The following LEMD1 variants were observed in gnomAD, a reference collection of about 807,000 sequenced individuals.
LEMD1 encodes LEM domain containing 1, also known as LEM domain-containing protein 1.
A neutral mutation model predicts 17.4 loss-of-function variants in LEMD1; 18 were observed. The observed-to-expected ratio is 1.04, with a 90% CI of 0.72 to 1.54. The LOEUF (loss-of-function observed/expected upper bound fraction) is 1.54. Ranked by LOEUF, LEMD1 falls within the 40% of genes most tolerant of loss-of-function variation. The probability of loss-of-function intolerance (pLI) is 0.00; values close to 1 mark genes in which losing one functional copy is unlikely to be tolerated. For missense variants in LEMD1, 195 were observed against 210.4 expected, an observed-to-expected ratio of 0.93 and a Z score of 0.45; for synonymous variants, 88 against 77.8, an observed-to-expected ratio of 1.13 and a Z score of -0.69.
At chr1:205,408,811 T>A (rs1409317518) in intron 4 of LEMD1, among the ~76,000 whole-genome samples, 1 of 151,890 alleles carries the variant, frequency 6.6e-6, no homozygotes, top group African/African-American at 2.4e-5. Flanking sequence ...AATTTAAGTA[T>A]AAGATTAAGA....
At chr1:205,404,131 C>G (rs191359029) in intron 4 of LEMD1, among the ~76,000 whole-genome samples, 287 of 152,108 alleles carry the variant, frequency 1.9e-3, no homozygotes, top group Admixed American at 4.0e-3. Flanking sequence ...GCTATGTGGT[C>G]AATTTTGAAA....
intron 4 of LEMD1, among the ~76,000 whole-genome samples, chr1:205,391,526 A>G (rs912310761): frequency 2.6e-5 from 4 of 152,242 alleles, no homozygotes; most frequent in Non-Finnish European, 4.4e-5. Flanking sequence ...GCCCTGTGGC[A>G]GCCAAACAGC....
At chr1:205,413,020 A>G (rs1665522136) in intron 4 of LEMD1, among the ~76,000 whole-genome samples, 2 of 152,244 alleles carry the variant, frequency 1.3e-5, no homozygotes, top group East Asian at 1.9e-4. Context: ...AAATTTTGGT[A>G]TGATATCAGA....
At chr1:205,384,427 G>A in intron 4 of LEMD1, 63 bp from the exon 5 acceptor site, 1 of 1,090,362 alleles carries the variant, frequency 9.2e-7, no homozygotes, top group Non-Finnish European at 1.2e-6. Context: ...AAATAACCTT[G>A]GTTTTTATTC....
In LEMD1 at chr1:205,385,908, C is replaced by T. The variant is rs77285615; in HGVS notation, c.271-1544G>A. 213 of 152,384 alleles carry T rather than the reference C, an allele frequency of 1.4e-3. No homozygotes were observed. The East Asian group carries it at 0.037, about 26-fold the overall frequency. The allele number at this position is 152,384 out of a possible 1,614,324, so 9.4% of individuals were successfully genotyped here. A position where few individuals can be genotyped will look rare whatever the true frequency, so the allele number is the denominator to read the frequency against. On this transcript the variant is annotated intron_variant, in intron 4 of 5. Transcript: ENST00000367153. ...AGGAGTGGTATAAGGAGCTGGGACT[C>T]GCGTCAGACAGGGAAAGGACTGACA...
chr1:205,435,869 C>G (rs1336879146), intron 1 of LEMD1: 2 of 152,196 alleles, frequency 1.3e-5, no homozygotes, highest in African/African-American at 4.8e-5. Context: ...TTAAACAGTT[C>G]CCCCTGGCTG....
chr1:205,444,722 C>T (rs181998775), intron 1 of LEMD1, among the ~76,000 whole-genome samples: 80 of 152,206 alleles, frequency 5.3e-4, no homozygotes, highest in African/African-American at 1.5e-3. Context: ...TCAGAGTGGG[C>T]GGCAGCGGGG....
At chr1:205,409,349 T>A (rs1665276316) in intron 4 of LEMD1, among the ~76,000 whole-genome samples, 1 of 152,206 alleles carries the variant, frequency 6.6e-6, no homozygotes, top group Admixed American at 6.5e-5. Context: ...GTACTACAGG[T>A]AATTAAATAT....
chr1:205,435,374 C>T (rs1022899423), intron 1 of LEMD1: 1 of 152,174 alleles, frequency 6.6e-6, no homozygotes, highest in Non-Finnish European at 1.5e-5. Context: ...AACAGAAATC[C>T]TTTCATTAGA....
At chr1:205,404,417 T>C (rs1209317678) in intron 4 of LEMD1, among the ~76,000 whole-genome samples, 1 of 152,212 alleles carries the variant, frequency 6.6e-6, no homozygotes, top group Non-Finnish European at 1.5e-5. Context: ...TTAGGAAAGT[T>C]AGCTCTTCTT....
chr1:205,396,155 G>A (rs1289021731), intron 4 of LEMD1, among the ~76,000 whole-genome samples: 1 of 152,094 alleles, frequency 6.6e-6, no homozygotes, highest in Non-Finnish European at 1.5e-5. Context: ...TTGCAGCTGG[G>A]CACCACTATG....
chr1:205,402,997 T>C (rs1290798253), intron 4 of LEMD1, among the ~76,000 whole-genome samples: 1 of 151,616 alleles, frequency 6.6e-6, no homozygotes, highest in Non-Finnish European at 1.5e-5. Flanking sequence ...ATATGCTGGA[T>C]TACATTTATT....
intron 4 of LEMD1, among the ~76,000 whole-genome samples, chr1:205,392,240 A>G (rs973882675): frequency 1.3e-5 from 2 of 152,254 alleles, no homozygotes; most frequent in Admixed American, 1.3e-4. Flanking sequence ...AAAATGTTTC[A>G]ATGAACAATA....
intron 5 of LEMD1, chr1:205,382,064 C>A: frequency 1.7e-6 from 1 of 574,512 alleles, no homozygotes; most frequent in Non-Finnish European, 3.1e-6. Flanking sequence ...TGCAGTGGTA[C>A]AATCACAGCT....
In LEMD1 at chr1:205,448,548, C is replaced by G. The variant is rs1004721776; in HGVS notation, c.-39+1320G>C. 2.7e-6 allele frequency: 1 copy of G among 366,760 alleles called. No homozygotes were observed. The highest frequency in any genetic ancestry group is 5.4e-6 in the Non-Finnish European group (1 of 185,416). 22.7% of individuals were successfully genotyped at this position (366,760 alleles called of 1,614,324 possible). A position where few individuals can be genotyped will look rare whatever the true frequency, so the allele number is the denominator to read the frequency against. ...CCCCCAGGTTAAATTCTCTCACCAT[C>G]TTCCACCACCTGCACTAAAGCCATC... On this transcript the variant is annotated intron_variant, in intron 1 of 3. Coordinates refer to the LEMD1 transcript ENST00000367154. The surrounding 1 kb of genome is among the most constrained non-coding windows in gnomAD (Gnocchi z 4.7).
At chr1:205,414,971 T>C (rs1558731552) in intron 4 of LEMD1, among the ~76,000 whole-genome samples, 1 of 152,182 alleles carries the variant, frequency 6.6e-6, no homozygotes, top group African/African-American at 2.4e-5. Context: ...TTTAACATCA[T>C]TCAGATCCCT....
chr1:205,405,712 AT>A (rs1363103191), intron 4 of LEMD1, among the ~76,000 whole-genome samples: 1 of 152,028 alleles, frequency 6.6e-6, no homozygotes, highest in Non-Finnish European at 1.5e-5. Flanking sequence ...TGTCAAAGTC[AT>A]TCTCCATCCA....
Position 205,397,572 on chromosome 1 carries a change from T to C in LEMD1, c.271-13208A>G, listed in dbSNP as rs546191942. ...CACCACTGCACTTCAATCTGGGAGATAGAGTGAGACCCTGTCTCAAGAAGA... is the reference window on the plus strand; with the variant it reads ...CACCACTGCACTTCAATCTGGGAGACAGAGTGAGACCCTGTCTCAAGAAGA... On this transcript the variant is annotated intron_variant, in intron 4 of 5. Coordinates refer to ENST00000367153, the MANE Select transcript of LEMD1 (RefSeq NM_001199050.2). Among the ~76,000 whole-genome samples, 47 of 152,206 alleles carry C rather than the reference T, an allele frequency of 3.1e-4. No homozygotes were observed. In the South Asian group the frequency reaches 6.6e-3, roughly 21 times the overall value.
chr1:205,427,343 G>A (rs751979319), intron 1 of LEMD1, among the ~76,000 whole-genome samples: 9 of 151,846 alleles, frequency 5.9e-5, no homozygotes, highest in Admixed American at 1.3e-4. Flanking sequence ...TTGCTGATGA[G>A]GGGACATCAC....
Sources: allele counts gnomAD v4.1 joint callset (sites outside exome capture counted in the v4.1 genomes callset), GRCh38; gene constraint gnomAD v4.1.1; non-coding constraint Gnocchi (gnomAD v3.1); transcripts MANE v1.5; gene names NCBI Gene and HGNC (gene_info 2026-07-23, HGNC 2026-07-21).